ZYG11B: variants seen among roughly 807,000 people sequenced by gnomAD.
ZYG11B encodes the protein protein zyg-11 homolog B.
Under a neutral mutation model 82.4 loss-of-function variants are expected in ZYG11B, and 36 were observed. The observed-to-expected ratio is 0.44, with a 90% CI of 0.33 to 0.58. ZYG11B has a LOEUF of 0.58. Ranked by LOEUF, ZYG11B falls within the 20% of genes least tolerant of loss-of-function variation. ZYG11B has a pLI of 0.02. For missense variants in ZYG11B, 552 were observed against 895.6 expected (o/e 0.62, Z 4.90); for synonymous variants, 303 against 312.8 (o/e 0.97, Z 0.33).
chr1:52,807,847 C>T (rs1645153579), intron 10 of ZYG11B, among the ~76,000 whole-genome samples: 1 of 151,498 alleles, frequency 6.6e-6, no homozygotes, highest in South Asian at 2.1e-4. Flanking sequence ...TGTGGATCTG[C>T]TGATGATGAA....
chr1:52,799,393 A>G (rs369742622), intron 8 of ZYG11B, among the ~76,000 whole-genome samples: 2 of 151,682 alleles, frequency 1.3e-5, no homozygotes, highest in East Asian at 3.9e-4. Context: ...AGGCTGAGGC[A>G]GGAGAATGAT....
At chr1:52,796,647 T>A in intron 7 of ZYG11B, 87 bp from the exon 8 acceptor site, 2 of 1,179,796 alleles carry the variant, frequency 1.7e-6, no homozygotes, top group Non-Finnish European at 2.4e-6. Flanking sequence ...GATTTTAGTC[T>A]CACCTTTGGA....
rs1645314866 is a variant in ZYG11B, at chr1:52,825,267, T to C, written c.*3638T>C. On this transcript the variant is annotated 3_prime_UTR_variant, in exon 14 of 14. Coordinates refer to ENST00000294353, the MANE Select transcript of ZYG11B (RefSeq NM_024646.3). ...AAAATTAACTGCATTATTAACTAAT[T>C]AATAAAATAAATCAAGTGGTATAAG... The C allele has an allele frequency of 6.6e-6, 1 of 152,134 alleles. No individual in the cohort carries two copies. The highest frequency in any genetic ancestry group is 6.6e-5 in the Admixed American group (1 of 15,250). The allele number at this position is 152,134 out of a possible 1,614,324, so 9.4% of individuals were successfully genotyped here. A position where few individuals can be genotyped will look rare whatever the true frequency, so the allele number is the denominator to read the frequency against.
At chr1:52,759,413 A>G (rs1178344653) in intron 2 of ZYG11B, among the ~76,000 whole-genome samples, 6 of 152,252 alleles carry the variant, frequency 3.9e-5, no homozygotes. Flanking sequence ...CGAATGCTTT[A>G]TATGGATAAG....
rs572331265 is a variant in ZYG11B at position 52,743,324 on chromosome 1, G to A, written c.31-13134G>A. ...ACCCTTGTTCACTTGTTTATCTGCTGACCTTCCCTCCACTATTGTCCTATG... is the reference window on the plus strand; with the variant it reads ...ACCCTTGTTCACTTGTTTATCTGCTAACCTTCCCTCCACTATTGTCCTATG... On this transcript the variant is annotated intron_variant, in intron 1 of 13. Coordinates refer to ENST00000294353, the MANE Select transcript of ZYG11B (RefSeq NM_024646.3). Among the ~76,000 whole-genome samples the A allele has an allele frequency of 2.7e-4, 38 of 141,884 alleles. No homozygotes were observed. The East Asian group carries it at 7.8e-3, about 29-fold the overall frequency. The allele number at this position is 141,884 out of a possible 152,430, so 93.1% of individuals were successfully genotyped here.
At chr1:52,772,628 A>C in intron 3 of ZYG11B, 1 of 1,028,286 alleles carries the variant, frequency 9.7e-7, no homozygotes, top group Non-Finnish European at 1.5e-6. Context: ...GGCCCTTCTC[A>C]GGAGCACGCA....
intron 10 of ZYG11B, among the ~76,000 whole-genome samples, chr1:52,804,412 A>T (rs1178680184): frequency 6.6e-5 from 10 of 152,162 alleles, no homozygotes; most frequent in Non-Finnish European, 1.3e-4. Flanking sequence ...CAGGAGTTTG[A>T]GACCAGCCTG....
At chr1:52,796,217 C>T in intron 6 of ZYG11B, 75 bp from the exon 7 acceptor site, 1 of 1,050,876 alleles carries the variant, frequency 9.5e-7, no homozygotes, top group Non-Finnish European at 1.5e-6. Flanking sequence ...GTTGTAGCAT[C>T]AGTTCCTAGC....
At chr1:52,781,123 A>G (rs148335356) in intron 4 of ZYG11B, among the ~76,000 whole-genome samples, 302 of 152,280 alleles carry the variant, frequency 2.0e-3, no homozygotes, top group Middle Eastern at 0.017. Context: ...GCAACAGAGC[A>G]AGACTCTCTC....
intron 3 of ZYG11B, chr1:52,772,126 T>G: frequency 1.9e-6 from 2 of 1,047,038 alleles, no homozygotes; most frequent in Non-Finnish European, 3.0e-6. Flanking sequence ...CATATATGGT[T>G]TTTTTGTTTT....
intron 2 of ZYG11B, among the ~76,000 whole-genome samples, chr1:52,769,995 G>A (rs1436157898): frequency 1.3e-5 from 2 of 150,044 alleles, no homozygotes; most frequent in Admixed American, 6.7e-5. Flanking sequence ...GATCTCGAAG[G>A]CACTTCAAGA....
intron 1 of ZYG11B, among the ~76,000 whole-genome samples, chr1:52,748,887 G>A (rs1644498321): frequency 1.5e-5 from 2 of 135,154 alleles, no homozygotes; most frequent in Non-Finnish European, 1.5e-5. Flanking sequence ...GGGCAACAGA[G>A]TGAGCTTCCA....
intron 1 of ZYG11B, among the ~76,000 whole-genome samples, chr1:52,735,056 G>A (rs1474420361): frequency 2.0e-5 from 3 of 151,018 alleles, no homozygotes; most frequent in Non-Finnish European, 3.0e-5. Context: ...TTTTGAGACG[G>A]AGTTTCTCTC....
chr1:52,754,396 T>A (rs1309135906), intron 1 of ZYG11B: 3 of 152,162 alleles, frequency 2.0e-5, no homozygotes, highest in Non-Finnish European at 4.4e-5. Context: ...TTATTTATTT[T>A]TTGAGATGGA....
intron 6 of ZYG11B, 32 bp from the exon 7 acceptor site, chr1:52,796,260 A>C: frequency 6.4e-7 from 1 of 1,571,470 alleles, no homozygotes; most frequent in Non-Finnish European, 8.8e-7. Context: ...GGCCTCCACG[A>C]TTAATTCATG....
intron 1 of ZYG11B, among the ~76,000 whole-genome samples, chr1:52,736,846 C>T (rs1644382349): frequency 6.6e-6 from 1 of 152,142 alleles, no homozygotes; most frequent in South Asian, 2.1e-4. Flanking sequence ...CCTTTGGCCT[C>T]CCAGAGTGCT....
chr1:52,731,914 C>T (rs1048991151), intron 1 of ZYG11B, among the ~76,000 whole-genome samples: 1 of 152,142 alleles, frequency 6.6e-6, no homozygotes, highest in African/African-American at 2.4e-5. Flanking sequence ...GCCATCCTCC[C>T]GCCTCATCCA....
At chr1:52,772,642 G>T in intron 3 of ZYG11B, 2 of 906,208 alleles carry the variant, frequency 2.2e-6, no homozygotes, top group Non-Finnish European at 3.7e-6. Context: ...GCACGCATAC[G>T]ACCCATGATG....
At chr1:52,800,601 G>A (rs1558138982) in intron 8 of ZYG11B, among the ~76,000 whole-genome samples, 1 of 152,050 alleles carries the variant, frequency 6.6e-6, no homozygotes, top group Non-Finnish European at 1.5e-5. Context: ...CTGAGATCAG[G>A]AGTTCGAGAC....
Sources: allele counts gnomAD v4.1 joint callset (sites outside exome capture counted in the v4.1 genomes callset), GRCh38; gene constraint gnomAD v4.1.1; transcripts MANE v1.5; gene names NCBI Gene and HGNC (gene_info 2026-07-23, HGNC 2026-07-21).